Variants in MYCBP2 observed in about 807,000 individuals in gnomAD.
MYCBP2 encodes the protein MYC binding protein 2.
Under a neutral mutation model 525.3 loss-of-function variants are expected in MYCBP2, and 120 were observed. That is an observed-to-expected ratio of 0.23 (90% CI 0.20 to 0.27). The LOEUF is 0.27. Ranked by LOEUF, MYCBP2 falls within the 10% of genes least tolerant of loss-of-function variation. The pLI, the probability that MYCBP2 is intolerant of heterozygous loss-of-function variation, is 1.00. For missense variants in MYCBP2, 4,149 were observed against 5,657.1 expected (o/e 0.73, Z 8.55); for synonymous variants, 1,894 against 1,955.8 (o/e 0.97, Z 0.83).
intron 21 of MYCBP2, among the ~76,000 whole-genome samples, chr13:77,214,963 A>G (rs183721941): frequency 1.6e-4 from 25 of 152,294 alleles, no homozygotes; most frequent in Middle Eastern, 3.4e-3. Flanking sequence ...GTATATATAT[A>G]TAAAATAGTG....
At chr13:77,209,570 C>A (rs1426098700) in intron 23 of MYCBP2, among the ~76,000 whole-genome samples, 1 of 152,082 alleles carries the variant, frequency 6.6e-6, no homozygotes, top group African/African-American at 2.4e-5. Flanking sequence ...CCTCTCTATC[C>A]CCTCCATTCT....
intron 36 of MYCBP2, 27 bp from the exon 37 acceptor site, chr13:77,174,516 T>G (rs756333155): frequency 3.1e-6 from 5 of 1,588,944 alleles, no homozygotes; most frequent in Non-Finnish European, 4.3e-6. Flanking sequence ...TAAAACATCT[T>G]TTATTCACAA....
intron 27 of MYCBP2, among the ~76,000 whole-genome samples, chr13:77,192,895 A>G (rs2061416140): frequency 6.6e-6 from 1 of 152,134 alleles, no homozygotes; most frequent in Non-Finnish European, 1.5e-5. Flanking sequence ...TTCAGAGGCC[A>G]AGGCAGGAGG....
intron 58 of MYCBP2, 128 bp from the exon 59 acceptor site, chr13:77,093,460 C>A: frequency 1.3e-6 from 1 of 746,838 alleles, no homozygotes; most frequent in Non-Finnish European, 2.1e-6. Flanking sequence ...TTAAAATAAT[C>A]GTAGATGTAG....
chr13:77,296,539 T>C, intron 2 of MYCBP2, 60 bp downstream of exon 2: 1 of 1,505,208 alleles, frequency 6.6e-7, no homozygotes. Flanking sequence ...AATCTTGGCA[T>C]TTTTATTCAA....
chr13:77,274,030 G>C (rs2075220554), intron 4 of MYCBP2, among the ~76,000 whole-genome samples: 2 of 152,126 alleles, frequency 1.3e-5, no homozygotes, highest in South Asian at 4.1e-4. Context: ...AAAATGTTAA[G>C]TGTCCAGGAA....
chr13:77,229,818 A>G (rs150370405), intron 18 of MYCBP2, among the ~76,000 whole-genome samples: 59 of 152,274 alleles, frequency 3.9e-4, no homozygotes, highest in African/African-American at 1.4e-3. Context: ...TTTTCATCAC[A>G]CTGCACCATT....
intron 14 of MYCBP2, among the ~76,000 whole-genome samples, chr13:77,256,823 G>A (rs1317185671): frequency 2.0e-5 from 3 of 151,934 alleles, no homozygotes; most frequent in Middle Eastern, 6.8e-3. Flanking sequence ...GAACAGTATG[G>A]AGCTTCCCCA....
At chr13:77,254,203 T>A (rs563227919) in intron 14 of MYCBP2, among the ~76,000 whole-genome samples, 7 of 151,810 alleles carry the variant, frequency 4.6e-5, no homozygotes, top group African/African-American at 1.4e-4. Context: ...AAAACAGACA[T>A]CATTATGCAA....
chr13:77,180,485 TC>T (rs1209121701), intron 33 of MYCBP2, among the ~76,000 whole-genome samples, 167 bp from the exon 34 acceptor site: 1 of 152,266 alleles, frequency 6.6e-6, no homozygotes, highest in Non-Finnish European at 1.5e-5. Flanking sequence ...ACTTAGAAGT[TC>T]TTTTTTGAAT....
intron 30 of MYCBP2, 21 bp from the exon 31 acceptor site, chr13:77,186,084 A>T: frequency 6.6e-7 from 1 of 1,510,172 alleles, no homozygotes. Context: ...ATATGAAAAA[A>T]CAGACAACAA....
At chr13:77,256,470 C>G (rs2072214448) in intron 14 of MYCBP2, among the ~76,000 whole-genome samples, 1 of 151,946 alleles carries the variant, frequency 6.6e-6, no homozygotes, top group Non-Finnish European at 1.5e-5. Context: ...GATATTTTAT[C>G]AGTAAATATT....
rs748049098 is a variant in MYCBP2, at chr13:77,126,426, C to G, written c.7776G>C (p.Lys2592Asn). 1 of 1,613,852 alleles carries G rather than the reference C, an allele frequency of 6.2e-7. No individual in the cohort carries two copies. Among genetic ancestry groups the G allele is most frequent in the African/African-American group, 1.3e-5 (1 of 74,910 alleles). Residue 2592 changes from lysine to asparagine, a missense_variant, in exon 53 of 83, where the codon AAG becomes AAC. Transcript: ENST00000544440. Reference sequence around the variant, plus strand: ...GACCTGAAGGTCCCGTCTTCACTACCTTGTACATGCCTGGCCCTCCTCGCA... The same window carrying G: ...GACCTGAAGGTCCCGTCTTCACTACGTTGTACATGCCTGGCCCTCCTCGCA... ...PFLRGGPGMYKVVKTGPSGHN... is the reference protein window; with the variant it reads ...PFLRGGPGMYNVVKTGPSGHN...
At chr13:77,052,028 T>C (rs2036921301) in intron 80 of MYCBP2, 110 bp from the exon 81 acceptor site, 2 of 794,136 alleles carry the variant, frequency 2.5e-6, no homozygotes, top group African/African-American at 1.7e-5. Flanking sequence ...AAAATACCAT[T>C]ATCTACTAGA....
intron 21 of MYCBP2, among the ~76,000 whole-genome samples, chr13:77,217,110 G>GT (rs1323629711): frequency 1.3e-5 from 2 of 152,192 alleles, no homozygotes; most frequent in Non-Finnish European, 2.9e-5. Flanking sequence ...CAATCTTTCT[G>GT]TAAGTTTGAA....
rs1473589286 is a variant in MYCBP2 at position 77,064,528 on chromosome 13, T to C, written c.12672+87A>G. The C allele has an allele frequency of 6.6e-6, 9 of 1,372,948 alleles. No homozygotes were observed. In the East Asian group the frequency reaches 2.3e-4, roughly 35 times the overall value. The allele number at this position is 1,372,948 out of a possible 1,614,324, so 85.0% of individuals were successfully genotyped here. A position where few individuals can be genotyped will look rare whatever the true frequency, so the allele number is the denominator to read the frequency against. On this transcript the variant is annotated intron_variant, in intron 73 of 82. Coordinates refer to ENST00000544440, the MANE Select transcript of MYCBP2 (RefSeq NM_015057.5). ...AAAAATAATTATGTTGACTTAGTGA[T>C]TAAAATTTGTTTAAATCTATTACTA...
At chr13:77,102,908 T>C (rs976179519) in intron 55 of MYCBP2, among the ~76,000 whole-genome samples, 3 of 151,958 alleles carry the variant, frequency 2.0e-5, no homozygotes, top group Non-Finnish European at 2.9e-5. Context: ...TTCCCCCAAT[T>C]AGGTAATTCT....
At chr13:77,260,345 ATAAATTT>A in intron 13 of MYCBP2, 76 bp downstream of exon 13, 1 of 954,666 alleles carries the variant, frequency 1.0e-6, no homozygotes, top group South Asian at 2.2e-5. Flanking sequence ...TGCCACCAAC[ATAAATTT>A]TCTAGATATG....
intron 3 of MYCBP2, among the ~76,000 whole-genome samples, chr13:77,285,268 T>A: frequency 6.6e-6 from 1 of 152,210 alleles, no homozygotes; most frequent in African/African-American, 2.4e-5. Context: ...AATATTGAAC[T>A]TAAGTAGCAC....
Sources: gnomAD v4.1 joint callset for allele counts (sites outside exome capture counted in the v4.1 genomes callset) on GRCh38, gnomAD v4.1.1 for gene constraint, MANE v1.5 for transcripts, NCBI Gene and HGNC (gene_info 2026-07-23, HGNC 2026-07-21) for gene names.